Variants in FDX1 observed in about 807,000 individuals in gnomAD.
FDX1 encodes the protein ferredoxin 1, also known as adrenodoxin, mitochondrial.
Under a neutral mutation model 14.9 loss-of-function variants are expected in FDX1, and 9 were observed. The ratio of observed to expected loss-of-function variants is 0.60; its 90% confidence interval spans 0.36 to 1.05. The LOEUF (loss-of-function observed/expected upper bound fraction) is 1.05, where lower values mean the gene tolerates loss of function less well. Among genes scored for constraint, FDX1 ranks in the 50% least tolerant of loss-of-function variants. The probability of loss-of-function intolerance (pLI) is 0.01; values close to 1 mark genes in which losing one functional copy is unlikely to be tolerated. For synonymous variants in FDX1, 92 were observed against 99.4 expected (o/e 0.93, Z 0.44); for missense variants, 204 against 237.2 (o/e 0.86, Z 0.92).
At chr11:110,444,156 ATTTCCTTGATTGTC>A (rs1398321288) in intron 2 of FDX1, among the ~76,000 whole-genome samples, 3 of 152,152 alleles carry the variant, frequency 2.0e-5, no homozygotes, top group Non-Finnish European at 4.4e-5. Context: ...CTAGAAGAGT[ATTTCCTTGATTGTC>A]TTTTTTATAG....
Position 110,430,125 on chromosome 11 carries a change from C to T in FDX1, c.5C>T (p.Ala2Val). 8.1e-7 allele frequency: 1 copy of T among 1,237,984 alleles called. No homozygotes were observed. The allele number at this position is 1,237,984 out of a possible 1,614,324, so 76.7% of individuals were successfully genotyped here. ...GGCAGTTCCCGACCGCGGGCGATGG[C>T]TGCCGCTGGGGGCGCCCGGCTGCTG... M[A>V]AAGGARLLRA... The change falls in exon 1 of 4, where the codon GCT becomes GTT. Residue 2 changes from alanine (A) to valine (V), a missense_variant. By Grantham distance (64) the Ala-to-Val change is moderately conservative. Transcript: ENST00000260270.
chr11:110,443,269 G>T (rs1302403294), intron 2 of FDX1, among the ~76,000 whole-genome samples: 1 of 149,642 alleles, frequency 6.7e-6, no homozygotes, highest in African/African-American at 2.5e-5. Flanking sequence ...CCCCTGCCCT[G>T]CCCCGCTACC....
rs187413143 is a variant in FDX1, at chr11:110,446,154, A to T, written c.310+10196A>T. 1.4e-4 allele frequency among the ~76,000 whole-genome samples: 21 copies of T among 152,324 alleles called. No homozygotes were observed. The East Asian group carries it at 4.1e-3, about 29-fold the overall frequency. ...GCTAAACTAGATTCACCAAAGACAG[A>T]GTTAAGCCTAAGCTTCTTTCTAGAA... On this transcript the variant is annotated intron_variant, in intron 2 of 3. Transcript: ENST00000260270.
intron 3 of FDX1, among the ~76,000 whole-genome samples, chr11:110,457,546 G>C (rs1450039328): frequency 6.6e-6 from 1 of 151,982 alleles, no homozygotes; most frequent in Admixed American, 6.6e-5. Flanking sequence ...TAAAAGTGGT[G>C]AGATTTACAG....
At chr11:110,429,757 T>G, upstream of FDX1, 1 of 167,106 alleles carries the variant, frequency 6.0e-6, no homozygotes, top group Non-Finnish European at 1.3e-5. Flanking sequence ...CGTCCAGCTA[T>G]CTTTCAAAAT....
chr11:110,460,882 A>G (rs897256973), intron 3 of FDX1, among the ~76,000 whole-genome samples: 2 of 152,196 alleles, frequency 1.3e-5, no homozygotes, highest in South Asian at 2.1e-4. Context: ...GTGCATCCCA[A>G]TGCCCAGAAA....
intron 2 of FDX1, among the ~76,000 whole-genome samples, chr11:110,439,917 G>C (rs1018382765): frequency 1.3e-5 from 2 of 152,146 alleles, no homozygotes; most frequent in African/African-American, 4.8e-5. Context: ...TCCCAGCACT[G>C]TTTACTGAAT....
intron 1 of FDX1, among the ~76,000 whole-genome samples, chr11:110,433,571 C>T (rs1338707823): frequency 6.6e-6 from 1 of 152,154 alleles, no homozygotes; most frequent in Non-Finnish European, 1.5e-5. Flanking sequence ...CCAAAGTGGC[C>T]TCCCTGCCTC....
intron 2 of FDX1, among the ~76,000 whole-genome samples, chr11:110,441,129 A>T (rs557598128): frequency 6.6e-6 from 1 of 152,216 alleles, no homozygotes; most frequent in African/African-American, 2.4e-5. Context: ...GCCTTCTGCC[A>T]GTATTGTGAG....
intron 2 of FDX1, among the ~76,000 whole-genome samples, chr11:110,449,396 A>G (rs1946472076): frequency 6.6e-6 from 1 of 152,216 alleles, no homozygotes; most frequent in Non-Finnish European, 1.5e-5. Flanking sequence ...GTATGTTATT[A>G]TTATTAATTT....
intron 2 of FDX1, among the ~76,000 whole-genome samples, chr11:110,437,606 T>C (rs1004452621): frequency 2.0e-5 from 3 of 152,226 alleles, no homozygotes; most frequent in Admixed American, 2.0e-4. Flanking sequence ...CTTTTATGTC[T>C]GTGTCTTCTT....
Position 110,435,799 on chromosome 11 carries a change from T to G in FDX1, c.186-35T>G, listed in dbSNP as rs58842739. 2,000 of 1,510,128 alleles carry G rather than the reference T, an allele frequency of 1.3e-3. 17 individuals carry two copies. In the African/African-American group the frequency reaches 0.021, roughly 16 times the overall value. The allele number at this position is 1,510,128 out of a possible 1,614,324, so 93.5% of individuals were successfully genotyped here. A position where few individuals can be genotyped will look rare whatever the true frequency, so the allele number is the denominator to read the frequency against. ...ATTATTTTAAATTATGTTTTGAAAT[T>G]ACTAAAAATACTAAAGGACTGTTTT... On this transcript the variant is annotated intron_variant, in intron 1 of 3. Transcript: ENST00000260270.
At position 110,433,929 on chromosome 11, in the gene FDX1, A is replaced by T. The variant is rs12577168; in HGVS notation, c.186-1905A>T. ...ATTTAATTCTGAGTTTTACTTAAAG[A>T]TTTGTTTGATGGGCTATTGCCATCT... is the stretch of plus-strand genomic sequence containing the variant. On this transcript the variant is annotated intron_variant, in intron 1 of 3. Coordinates refer to ENST00000260270, the MANE Select transcript of FDX1 (RefSeq NM_004109.5). Among the ~76,000 whole-genome samples the T allele has an allele frequency of 6.6e-5, 10 of 152,338 alleles. No homozygotes were observed. The East Asian group carries it at 1.5e-3, about 23-fold the overall frequency.
rs867540072 is a variant in FDX1 at position 110,444,646 on chromosome 11, G to A, written c.310+8688G>A. ...AAAGAAAATATATGTGTGTGTGTGT[G>A]TGTGTATATATATATATACGTATAT... On this transcript the variant is annotated intron_variant, in intron 2 of 3. Coordinates refer to ENST00000260270, the MANE Select transcript of FDX1 (RefSeq NM_004109.5). 7.0e-4 allele frequency among the ~76,000 whole-genome samples: 48 copies of A among 69,004 alleles called. 2 individuals are homozygous for A. The highest frequency in any genetic ancestry group is 3.3e-3 in the African/African-American group (48 of 14,510). 45.3% of individuals were successfully genotyped at this position (69,004 alleles called of 152,430 possible).
chr11:110,459,361 G>A (rs1002124461), intron 3 of FDX1, among the ~76,000 whole-genome samples: 4 of 152,146 alleles, frequency 2.6e-5, no homozygotes, highest in South Asian at 2.1e-4. Flanking sequence ...CCATCATATC[G>A]ACTTATCTAT....
chr11:110,446,408 GT>G (rs1270998046), intron 2 of FDX1, among the ~76,000 whole-genome samples: 1 of 152,136 alleles, frequency 6.6e-6, no homozygotes, highest in African/African-American at 2.4e-5. Flanking sequence ...GATCTCATCC[GT>G]TCTGTGACCT....
At chr11:110,445,583 A>G (rs944054180) in intron 2 of FDX1, among the ~76,000 whole-genome samples, 5 of 152,216 alleles carry the variant, frequency 3.3e-5, no homozygotes, top group Non-Finnish European at 7.3e-5. Context: ...CTGGGTCATG[A>G]TGTAAAATGA....
intron 2 of FDX1, among the ~76,000 whole-genome samples, chr11:110,453,418 C>T (rs1009386591): frequency 6.6e-6 from 1 of 151,522 alleles, no homozygotes; most frequent in African/African-American, 2.4e-5. Flanking sequence ...GAGGACATAG[C>T]TCTCATGAAA....
At chr11:110,445,422 G>A (rs530563980) in intron 2 of FDX1, among the ~76,000 whole-genome samples, 10 of 151,916 alleles carry the variant, frequency 6.6e-5, no homozygotes, top group Middle Eastern at 3.4e-3. Context: ...TTAAACCGCA[G>A]GTGACAACTA....
Sources: allele counts gnomAD v4.1 joint callset (sites outside exome capture counted in the v4.1 genomes callset), GRCh38; gene constraint gnomAD v4.1.1; transcripts MANE v1.5; gene names NCBI Gene and HGNC (gene_info 2026-07-23, HGNC 2026-07-21).